AGTPBP1: variants seen among roughly 807,000 people sequenced by gnomAD.
AGTPBP1 encodes the protein cytosolic carboxypeptidase 1.
Under a neutral mutation model 143.9 loss-of-function variants are expected in AGTPBP1, and 70 were observed. That is an observed-to-expected ratio of 0.49 (90% CI 0.40 to 0.59). The LOEUF is 0.59. AGTPBP1 is among the 20% of genes least tolerant of loss of function. AGTPBP1 has a pLI of 0.00. For missense variants in AGTPBP1, 1,229 were observed against 1,464.5 expected (o/e 0.84, Z 2.62); for synonymous variants, 463 against 500.2 (o/e 0.93, Z 0.99).
intron 2 of AGTPBP1, among the ~76,000 whole-genome samples, chr9:85,702,250 T>C (rs1303910099): frequency 6.6e-6 from 1 of 152,208 alleles, no homozygotes; most frequent in African/African-American, 2.4e-5. Flanking sequence ...CCTTGGAAAT[T>C]ACAGTTACAA....
intron 25 of AGTPBP1, among the ~76,000 whole-genome samples, chr9:85,550,914 T>C (rs1168108396): frequency 6.6e-6 from 1 of 152,110 alleles, no homozygotes; most frequent in Non-Finnish European, 1.5e-5. Flanking sequence ...CCACTCCAAA[T>C]CTCATGTTGA....
In AGTPBP1 at chr9:85,552,872, T is replaced by A. The variant is rs114133724; in HGVS notation, c.3504-5586A>T. Among the ~76,000 whole-genome samples, 1,475 of 152,334 alleles carry A rather than the reference T, an allele frequency of 9.7e-3. 24 individuals carry two copies. Among genetic ancestry groups the A allele is most frequent in the African/African-American group, 0.033 (1,391 of 41,568 alleles). ...AATAAAATATCATGGGGGAAAATTT[T>A]TGAAAATGATGCAGAAACAGAAAAA... is the stretch of plus-strand genomic sequence containing the variant. On this transcript the variant is annotated intron_variant, in intron 25 of 25. Transcript: ENST00000357081.
intron 11 of AGTPBP1, among the ~76,000 whole-genome samples, chr9:85,650,106 T>C (rs1226664435): frequency 6.6e-6 from 1 of 151,166 alleles, no homozygotes; most frequent in Non-Finnish European, 1.5e-5. Context: ...CTTGAAAGTT[T>C]GGGAGAACTA....
the AGTPBP1 span, among the ~76,000 whole-genome samples, chr9:85,785,342 A>C: frequency 6.7e-6 from 1 of 149,742 alleles, no homozygotes; most frequent in African/African-American, 2.5e-5. Flanking sequence ...TCAAAAAAAA[A>C]CAAACAAAAA....
At chr9:85,576,903 A>G (rs902546411) in intron 24 of AGTPBP1, among the ~76,000 whole-genome samples, 1 of 152,168 alleles carries the variant, frequency 6.6e-6, no homozygotes. Context: ...AGAGTTTTAA[A>G]TCAATGTATA....
Position 85,671,350 on chromosome 9 carries a change from AC to A in AGTPBP1, c.568+1199del, listed in dbSNP as rs1196493028. On this transcript the variant is annotated intron_variant, in intron 7 of 25. Transcript: ENST00000357081. Reference sequence around the variant, plus strand: ...CTTTACTATTTCATTTCTTGACTTTACTGGTGTTTATTTCTCTGTTCTTAAC... The same window carrying A: ...CTTTACTATTTCATTTCTTGACTTTATGGTGTTTATTTCTCTGTTCTTAAC... Among the ~76,000 whole-genome samples, 13 of 152,022 alleles carry A rather than the reference AC, an allele frequency of 8.6e-5. No individual in the cohort carries two copies. The South Asian group carries it at 2.7e-3, about 32-fold the overall frequency.
chr9:85,574,582 G>A (rs1158117788), intron 25 of AGTPBP1, among the ~76,000 whole-genome samples: 1 of 152,036 alleles, frequency 6.6e-6, no homozygotes, highest in Non-Finnish European at 1.5e-5. Flanking sequence ...ATATTTGGCA[G>A]ATGTAGTTCA....
intron 8 of AGTPBP1, among the ~76,000 whole-genome samples, chr9:85,667,601 G>C (rs1306702080): frequency 6.6e-6 from 1 of 152,038 alleles, no homozygotes; most frequent in East Asian, 1.9e-4. Context: ...AAAGTTGCCA[G>C]CTCCACCTAT....
At chr9:85,793,623 AAAG>A in the AGTPBP1 span, 7 of 152,202 alleles carry the variant, frequency 4.6e-5, no homozygotes, top group South Asian at 6.2e-4. Context: ...ATAAATCAGA[AAAG>A]AAGAATACTA....
chr9:85,595,899 T>C (rs771683734), intron 18 of AGTPBP1, among the ~76,000 whole-genome samples: 1 of 152,194 alleles, frequency 6.6e-6, no homozygotes, highest in Non-Finnish European at 1.5e-5. Flanking sequence ...GTTAAGCTGA[T>C]GTACTGTATT....
At chr9:85,582,323 CA>C (rs1270674947) in intron 23 of AGTPBP1, among the ~76,000 whole-genome samples, 1 of 152,140 alleles carries the variant, frequency 6.6e-6, no homozygotes, top group African/African-American at 2.4e-5. Flanking sequence ...AACAGTTCCT[CA>C]GTCTTATAAC....
chr9:85,799,828 A>C, the AGTPBP1 span, among the ~76,000 whole-genome samples: 2 of 152,112 alleles, frequency 1.3e-5, no homozygotes, highest in Non-Finnish European at 2.9e-5. Context: ...AAAATTTTTC[A>C]AATAAAAGAA....
chr9:85,583,809 C>T (rs1828433869), intron 23 of AGTPBP1, among the ~76,000 whole-genome samples: 1 of 152,022 alleles, frequency 6.6e-6, no homozygotes, highest in East Asian at 1.9e-4. Context: ...TCAAAATGAG[C>T]AAATCAGACA....
the AGTPBP1 span, among the ~76,000 whole-genome samples, chr9:85,788,996 T>C: frequency 3.9e-5 from 6 of 152,098 alleles, no homozygotes; most frequent in African/African-American, 1.4e-4. Flanking sequence ...CTCAAGAAAT[T>C]AACACATACT....
At chr9:85,549,726 G>T (rs547145620) in intron 25 of AGTPBP1, among the ~76,000 whole-genome samples, 2 of 152,316 alleles carry the variant, frequency 1.3e-5, no homozygotes, top group Non-Finnish European at 2.9e-5. Context: ...ATCAGGTGTT[G>T]ATGTGCACTT....
chr9:85,676,718 T>C (rs1326102753), intron 6 of AGTPBP1, among the ~76,000 whole-genome samples: 1 of 152,180 alleles, frequency 6.6e-6, no homozygotes, highest in African/African-American at 2.4e-5. Context: ...AATAAGTATA[T>C]TGAAGAATAT....
the AGTPBP1 span, among the ~76,000 whole-genome samples, chr9:85,760,417 C>T: frequency 1.3e-5 from 2 of 152,290 alleles, no homozygotes; most frequent in East Asian, 3.9e-4. Flanking sequence ...AAAGCTTATC[C>T]ACCATGATCA....
rs1044686597 is a variant in AGTPBP1 at position 85,586,763 on chromosome 9, G to A, written c.3033+68C>T. 2.0e-6 allele frequency: 3 copies of A among 1,535,000 alleles called. No homozygotes were observed. In the African/African-American group the frequency reaches 4.1e-5, roughly 21 times the overall value. On this transcript the variant is annotated intron_variant, in intron 22 of 25. Transcript: ENST00000357081. ...ATTTGACCTCATGATTATCACACAA[G>A]TGCTTGATAATTAAAAATGATATTT...
At chr9:85,636,837 T>C (rs1018505154) in intron 13 of AGTPBP1, among the ~76,000 whole-genome samples, 2 of 151,602 alleles carry the variant, frequency 1.3e-5, no homozygotes, top group African/African-American at 4.9e-5. Context: ...ATACAATAAA[T>C]CCCAAACAGG....
Sources: allele counts gnomAD v4.1 joint callset (sites outside exome capture counted in the v4.1 genomes callset), GRCh38; gene constraint gnomAD v4.1.1; transcripts MANE v1.5; gene names NCBI Gene and HGNC (gene_info 2026-07-23, HGNC 2026-07-21).